PDE4D: variants seen among roughly 807,000 people sequenced by gnomAD.
PDE4D encodes the protein 3',5'-cyclic-AMP phosphodiesterase 4D.
In PDE4D, 24 loss-of-function variants were observed where a neutral mutation model predicts 87.4. The observed-to-expected ratio is 0.27, with a 90% CI of 0.20 to 0.39. The LOEUF (loss-of-function observed/expected upper bound fraction) is 0.39, where lower values mean the gene tolerates loss of function less well. PDE4D is among the 10% of genes least tolerant of loss of function. The pLI is 1.00. For synonymous variants in PDE4D, 384 were observed against 383.2 expected (o/e 1.00, Z -0.02); for missense variants, 714 against 1,041.0 (o/e 0.69, Z 4.32).
At chr5:60,257,030 G>T (rs1749125509) in intron 1 of PDE4D, among the ~76,000 whole-genome samples, 1 of 151,722 alleles carries the variant, frequency 6.6e-6, no homozygotes, top group Non-Finnish European at 1.5e-5. Context: ...AAAACATCAA[G>T]TTGTACACTT....
intron 5 of PDE4D, among the ~76,000 whole-genome samples, chr5:59,123,738 T>A (rs1281265492): frequency 6.6e-6 from 1 of 152,162 alleles, no homozygotes; most frequent in African/African-American, 2.4e-5. Flanking sequence ...ACTTCTGGGC[T>A]TGCATGTCAG....
chr5:60,156,153 A>G (rs1332657557), intron 2 of PDE4D, among the ~76,000 whole-genome samples: 2 of 152,204 alleles, frequency 1.3e-5, no homozygotes, highest in Non-Finnish European at 2.9e-5. Context: ...ATAAAACCAC[A>G]GTAATTGTTG....
intron 1 of PDE4D, among the ~76,000 whole-genome samples, chr5:60,353,999 G>A (rs1456253883): frequency 6.6e-6 from 1 of 151,980 alleles, no homozygotes; most frequent in East Asian, 1.9e-4. Flanking sequence ...AACTATTCTG[G>A]AAAGCTTTAT....
chr5:59,613,403 G>A (rs1320926904), intron 1 of PDE4D, among the ~76,000 whole-genome samples: 1 of 152,196 alleles, frequency 6.6e-6, no homozygotes, highest in Non-Finnish European at 1.5e-5. Context: ...ATGAAAGTCT[G>A]TATCAGGTGA....
intron 1 of PDE4D, among the ~76,000 whole-genome samples, chr5:59,299,625 G>T (rs1259856380): frequency 2.0e-5 from 3 of 152,118 alleles, no homozygotes; most frequent in Non-Finnish European, 4.4e-5. Context: ...GAATGATTAG[G>T]TTTGTTTGTC....
At position 59,893,466 on chromosome 5, in the gene PDE4D, GA is replaced by G; in HGVS notation, c.156del (p.His54IlefsTer83). On this transcript the variant is annotated frameshift_variant, in exon 1 of 15. Transcript: ENST00000340635. LOFTEE classifies it high-confidence loss of function. ...PLRQPQFRLL[H>X]PHHHLPPPPP... Reference sequence around the variant, plus strand: ...GGCGGCGGGGGCAGGTGGTGATGGGGATGCAGGAGGCGGAACTGGGGCTGCC... The same window carrying G: ...GGCGGCGGGGGCAGGTGGTGATGGGGTGCAGGAGGCGGAACTGGGGCTGCC... 1 of 1,533,538 alleles carries G rather than the reference GA, an allele frequency of 6.5e-7. No individual in the cohort carries two copies. The highest frequency in any genetic ancestry group is 8.8e-7 in the Non-Finnish European group (1 of 1,138,978). The allele number at this position is 1,533,538 out of a possible 1,614,324, so 95.0% of individuals were successfully genotyped here.
At chr5:60,498,466 T>C (rs1008572417) in intron 1 of PDE4D, among the ~76,000 whole-genome samples, 1 of 152,070 alleles carries the variant, frequency 6.6e-6, no homozygotes, top group African/African-American at 2.4e-5. Flanking sequence ...AAAAAGGCAT[T>C]ATAACAAGAA....
At chr5:60,252,020 A>G (rs1306007112) in intron 1 of PDE4D, among the ~76,000 whole-genome samples, 3 of 151,908 alleles carry the variant, frequency 2.0e-5, no homozygotes, top group Non-Finnish European at 2.9e-5. Flanking sequence ...TTGTGTTACA[A>G]TTGCCCACAG....
At chr5:59,839,319 A>G (rs1458016184) in intron 1 of PDE4D, among the ~76,000 whole-genome samples, 1 of 151,776 alleles carries the variant, frequency 6.6e-6, no homozygotes, top group Non-Finnish European at 1.5e-5. Flanking sequence ...CCAATATTTA[A>G]TTGGCTCATC....
chr5:60,403,400 AGAT>A (rs1741255517), intron 1 of PDE4D, among the ~76,000 whole-genome samples: 1 of 152,230 alleles, frequency 6.6e-6, no homozygotes, highest in South Asian at 2.1e-4. Flanking sequence ...AATGTTCTGC[AGAT>A]GAAGAATGTT....
intron 1 of PDE4D, among the ~76,000 whole-genome samples, chr5:59,751,644 AAGAG>A (rs368490289): frequency 7.0e-6 from 1 of 143,652 alleles, no homozygotes; most frequent in Admixed American, 6.9e-5. Flanking sequence ...AAGCGAGAGC[AAGAG>A]AGAGAGAGAT....
intron 1 of PDE4D, among the ~76,000 whole-genome samples, chr5:59,363,015 T>C (rs933534968): frequency 2.0e-5 from 3 of 152,198 alleles, no homozygotes; most frequent in African/African-American, 7.2e-5. Context: ...ACTTGGACAC[T>C]TCCTGTGCAC....
intron 5 of PDE4D, among the ~76,000 whole-genome samples, chr5:59,093,256 G>A (rs1769067441): frequency 6.6e-6 from 1 of 152,196 alleles, no homozygotes; most frequent in Non-Finnish European, 1.5e-5. Flanking sequence ...GGGGCTGAAA[G>A]TGTATTAAAA....
At chr5:60,492,124 T>TA (rs776940230), upstream of PDE4D, among the ~76,000 whole-genome samples, 5,719 of 130,422 alleles carry the variant, frequency 0.044, 249 homozygotes, top group African/African-American at 0.12. Context: ...AAAGTATAAT[T>TA]AAAAAAAAAA....
chr5:59,921,825 C>A (rs528045995), intron 3 of PDE4D, among the ~76,000 whole-genome samples: 1 of 152,290 alleles, frequency 6.6e-6, no homozygotes, highest in South Asian at 2.1e-4. Flanking sequence ...CAATCATCCT[C>A]CTTGTAGGAA....
At chr5:59,071,817 G>C (rs1764870945) in intron 5 of PDE4D, among the ~76,000 whole-genome samples, 1 of 149,660 alleles carries the variant, frequency 6.7e-6, no homozygotes, top group Non-Finnish European at 1.5e-5. Context: ...CTCCTGAGTA[G>C]CTGGGATTAC....
At chr5:59,141,246 T>C (rs768313230) in intron 5 of PDE4D, among the ~76,000 whole-genome samples, 1 of 152,222 alleles carries the variant, frequency 6.6e-6, no homozygotes, top group Non-Finnish European at 1.5e-5. Context: ...ACTGTCTAAG[T>C]CTTTCTGTTC....
chr5:59,779,259 C>T (rs1764374856), intron 1 of PDE4D, among the ~76,000 whole-genome samples: 1 of 152,072 alleles, frequency 6.6e-6, no homozygotes, highest in South Asian at 2.1e-4. Flanking sequence ...GATGTATTCT[C>T]ATTGTAAAAA....
intron 1 of PDE4D, among the ~76,000 whole-genome samples, chr5:60,388,475 C>T (rs1262541493): frequency 1.3e-5 from 2 of 151,992 alleles, no homozygotes; most frequent in Non-Finnish European, 2.9e-5. Context: ...TTTGCTGCAC[C>T]TATTGACCCA....
Sources: allele counts gnomAD v4.1 joint callset (sites outside exome capture counted in the v4.1 genomes callset), GRCh38; gene constraint gnomAD v4.1.1; transcripts MANE v1.5; gene names NCBI Gene and HGNC (gene_info 2026-07-23, HGNC 2026-07-21).